Variants in ZRANB1 observed in about 807,000 individuals in gnomAD.
ZRANB1 encodes the protein zinc finger RANBP2-type containing 1.
Under a neutral mutation model 80.5 loss-of-function variants are expected in ZRANB1, and 16 were observed. The observed-to-expected ratio is 0.20, with a 90% confidence interval of 0.13 to 0.30. The LOEUF (loss-of-function observed/expected upper bound fraction) is 0.30. Among genes scored for constraint, ZRANB1 ranks in the 10% least tolerant of loss-of-function variants. The pLI is 1.00. For missense variants in ZRANB1, 576 were observed against 862.6 expected, an observed-to-expected ratio of 0.67 and a Z score of 4.16; for synonymous variants, 291 against 293.1, an observed-to-expected ratio of 0.99 and a Z score of 0.07.
intron 5 of ZRANB1, among the ~76,000 whole-genome samples, 163 bp downstream of exon 5, chr10:124,974,561 G>A (rs991477111): frequency 3.9e-5 from 6 of 152,156 alleles, no homozygotes; most frequent in Non-Finnish European, 8.8e-5. Context: ...CATGGTTTCT[G>A]TTTTTGTTTT....
chr10:124,981,648 CTTTAAATG>C (rs1023137751), intron 5 of ZRANB1, 53 bp from the exon 6 acceptor site: 7 of 1,424,944 alleles, frequency 4.9e-6, no homozygotes, highest in Non-Finnish European at 6.6e-6. Context: ...ATGATCAGAA[CTTTAAATG>C]TTTTATTTAT....
At chr10:124,961,174 T>C (rs1951730974) in intron 1 of ZRANB1, among the ~76,000 whole-genome samples, 1 of 152,024 alleles carries the variant, frequency 6.6e-6, no homozygotes, top group Non-Finnish European at 1.5e-5. Context: ...GCTAATTTTT[T>C]TTTGTATTTT....
rs1380833871 is a variant in ZRANB1, at chr10:124,943,127, A to T, written c.634A>T (p.Ser212Cys). ...RWRGSCSSGN[S>C]QRRSPPATKR... ...GAGGGGAAGTTGCAGTAGTGGTAAT[A>T]GCCAAAGGAGATCACCTCCTGCTAC... The change falls in exon 1 of 9, where the codon AGC (serine) becomes TGC (cysteine). Residue 212 changes from serine to cysteine, a missense_variant. Around this residue, in one of 3 missense-constraint regions of ZRANB1, gnomAD observed 411 missense variants for 583.1 expected, o/e 0.70. Transcript: ENST00000359653. 6.2e-7 allele frequency: 1 copy of T among 1,614,252 alleles called. No individual in the cohort carries two copies.
intron 2 of ZRANB1, among the ~76,000 whole-genome samples, 158 bp downstream of exon 2, chr10:124,966,939 T>C (rs1354373483): frequency 1.3e-5 from 2 of 152,224 alleles, no homozygotes; most frequent in African/African-American, 4.8e-5. Context: ...AGACTTAATT[T>C]TTAAGGGTAT....
chr10:124,949,365 GA>G (rs889711642), intron 1 of ZRANB1, among the ~76,000 whole-genome samples: 14 of 150,660 alleles, frequency 9.3e-5, no homozygotes, highest in African/African-American at 1.5e-4. Context: ...GGTATAGGGG[GA>G]AAAAAATCAA....
chr10:124,944,184 A>AT (rs967119869), intron 1 of ZRANB1, among the ~76,000 whole-genome samples: 104 of 149,914 alleles, frequency 6.9e-4, no homozygotes, highest in Non-Finnish European at 1.1e-3. Flanking sequence ...AGTCTTCAGT[A>AT]TTTTTTTTTT....
At chr10:124,918,213 G>A in the ZRANB1 span, among the ~76,000 whole-genome samples, 1 of 152,060 alleles carries the variant, frequency 6.6e-6, no homozygotes, top group Non-Finnish European at 1.5e-5. Flanking sequence ...TATTTGAGAC[G>A]GAGTTTCCCC....
At chr10:124,934,228 T>C in the ZRANB1 span, among the ~76,000 whole-genome samples, 1 of 152,200 alleles carries the variant, frequency 6.6e-6, no homozygotes, top group Non-Finnish European at 1.5e-5. Context: ...GCAGGTGTTA[T>C]TTAATTTTAC....
chr10:124,940,616 C>A, upstream of ZRANB1: 2 of 1,012,618 alleles, frequency 2.0e-6, no homozygotes, highest in Non-Finnish European at 2.7e-6. Flanking sequence ...TTCTTCTTAG[C>A]AGAGTTCACA....
At chr10:124,919,613 C>CTTTTT in the ZRANB1 span, among the ~76,000 whole-genome samples, 1 of 131,604 alleles carries the variant, frequency 7.6e-6, no homozygotes, top group Non-Finnish European at 1.6e-5. Context: ...CCTCCTCCTC[C>CTTTTT]TTTTTTTTTT....
the ZRANB1 span, among the ~76,000 whole-genome samples, chr10:124,923,777 T>C: frequency 1.3e-5 from 2 of 151,562 alleles, no homozygotes; most frequent in Non-Finnish European, 2.9e-5. Context: ...GAGAACTCAC[T>C]CAGTATCTCA....
At chr10:124,973,206 G>A (rs1481126580) in intron 3 of ZRANB1, among the ~76,000 whole-genome samples, 1 of 152,140 alleles carries the variant, frequency 6.6e-6, no homozygotes, top group Non-Finnish European at 1.5e-5. Context: ...AGGCTGGAGT[G>A]CGGTGGCAGG....
intron 1 of ZRANB1, among the ~76,000 whole-genome samples, chr10:124,953,638 G>A (rs940981045): frequency 2.0e-5 from 3 of 152,202 alleles, no homozygotes; most frequent in Non-Finnish European, 2.9e-5. Flanking sequence ...TGTTCTGTTT[G>A]CTCTGCTCAT....
chr10:124,932,653 G>A, the ZRANB1 span, among the ~76,000 whole-genome samples: 1 of 151,948 alleles, frequency 6.6e-6, no homozygotes, highest in East Asian at 1.9e-4. Context: ...TCAGTGTTTT[G>A]GATTTTAGCC....
the ZRANB1 span, among the ~76,000 whole-genome samples, chr10:124,936,998 G>A: frequency 6.6e-6 from 1 of 151,766 alleles, no homozygotes; most frequent in African/African-American, 2.4e-5. Context: ...CGGGCCGCCC[G>A]GGCTGGAGTG....
Position 124,983,726 on chromosome 10 carries a change from C to T in ZRANB1, c.1908+38C>T. On this transcript the variant is annotated intron_variant, in intron 8 of 8. Transcript: ENST00000359653. This position sits in a 1 kb window ranked among gnomAD's most constrained non-coding sequence, Gnocchi z 6.2. Reference sequence around the variant, plus strand: ...TCCTATGAACTATTTCTAGTAGTGACCTTGTACCAGAAACAGCCTGAAGTG... The same window carrying T: ...TCCTATGAACTATTTCTAGTAGTGATCTTGTACCAGAAACAGCCTGAAGTG... The T allele has an allele frequency of 6.7e-7, 1 of 1,484,230 alleles. No homozygotes were observed. The highest frequency in any genetic ancestry group is 1.2e-5 in the South Asian group (1 of 81,854). The allele number at this position is 1,484,230 out of a possible 1,614,324, so 91.9% of individuals were successfully genotyped here.
intron 1 of ZRANB1, among the ~76,000 whole-genome samples, chr10:124,959,554 C>G (rs1016991908): frequency 1.2e-4 from 18 of 151,990 alleles, no homozygotes; most frequent in African/African-American, 3.6e-4. Flanking sequence ...CAGCCTCAAC[C>G]TTCTTGGGCT....
At chr10:124,966,848 T>G in intron 2 of ZRANB1, 67 bp downstream of exon 2, 1 of 1,424,832 alleles carries the variant, frequency 7.0e-7, no homozygotes, top group Non-Finnish European at 9.6e-7. Context: ...TTTTCATTTT[T>G]GATTTTATAA....
intron 1 of ZRANB1, among the ~76,000 whole-genome samples, chr10:124,944,323 A>G (rs553219245): frequency 2.0e-5 from 3 of 152,210 alleles, no homozygotes; most frequent in Non-Finnish European, 4.4e-5. Context: ...GCTAAGCTTT[A>G]ACTATACCTT....
Sources: gnomAD v4.1 joint callset for allele counts (sites outside exome capture counted in the v4.1 genomes callset) on GRCh38, gnomAD v4.1.1 for gene constraint, gnomAD v4.1.1 regional missense constraint, Gnocchi (gnomAD v3.1) non-coding constraint, MANE v1.5 for transcripts, NCBI Gene and HGNC (gene_info 2026-07-23, HGNC 2026-07-21) for gene names.